RSPH9: variants seen among roughly 807,000 people sequenced by gnomAD.
The protein encoded by RSPH9 is radial spoke head component 9.
A neutral mutation model predicts 27.0 loss-of-function variants in RSPH9; 27 were observed. The ratio of observed to expected loss-of-function variants is 1.00; its 90% CI spans 0.74 to 1.38. The LOEUF (loss-of-function observed/expected upper bound fraction) is 1.38, where lower values mean the gene tolerates loss of function less well. Among genes scored for constraint, RSPH9 ranks in the 40% most tolerant of loss-of-function variants. RSPH9 has a pLI of 0.00. For synonymous variants in RSPH9, 145 were observed against 147.7 expected (o/e 0.98, Z 0.13); for missense variants, 347 against 357.4 (o/e 0.97, Z 0.24).
In RSPH9 at chr6:43,656,722, A is replaced by C; in HGVS notation, c.669A>C (p.Lys223Asn). The C allele has an allele frequency of 6.2e-7, 1 of 1,614,046 alleles. No individual in the cohort carries two copies. The highest frequency in any genetic ancestry group is 8.5e-7 in the Non-Finnish European group (1 of 1,180,002). ...FMDSLEHDIP[K>N]GSWSIQMERG... is the part of the protein sequence containing the mutation. ...ACTCCTTGGAGCATGACATTCCCAA[A>C]GGTAATAGTCCATTACCTGGAGGCC... The change falls in exon 4 of 5, where the codon AAA becomes AAC. Residue 223 changes from lysine (K) to asparagine (N), a missense_variant and splice_region_variant. By Grantham distance (94) the Lys-to-Asn change is moderately conservative. Transcript: ENST00000372163.
chr6:43,647,348 C>G (rs777236807), intron 1 of RSPH9, among the ~76,000 whole-genome samples: 1 of 152,044 alleles, frequency 6.6e-6, no homozygotes, highest in Non-Finnish European at 1.5e-5. Context: ...GCAAGAAGAG[C>G]CTGCTCCGAT....
chr6:43,661,749 T>C (rs778468526), intron 4 of RSPH9, among the ~76,000 whole-genome samples: 2 of 152,142 alleles, frequency 1.3e-5, no homozygotes, highest in Non-Finnish European at 2.9e-5. Flanking sequence ...ATCTATTGTT[T>C]AGTGTAGCCG....
Position 43,671,059 on chromosome 6 carries a change from T to C in RSPH9, c.*110T>C. 7.3e-7 allele frequency: 1 copy of C among 1,379,176 alleles called. No individual in the cohort carries two copies. Among genetic ancestry groups the C allele is most frequent in the Non-Finnish European group, 1.0e-6 (1 of 990,642 alleles). 85.4% of individuals were successfully genotyped at this position (1,379,176 alleles called of 1,614,324 possible). A position where few individuals can be genotyped will look rare whatever the true frequency, so the allele number is the denominator to read the frequency against. ...CTATCTTCTTAACTCCACCTCCGTC[T>C]GGTTCCAGATTCTGAAAGGCCCACT... On this transcript the variant is annotated 3_prime_UTR_variant, in exon 5 of 5. Coordinates refer to ENST00000372163, the MANE Select transcript of RSPH9 (RefSeq NM_152732.5).
intron 4 of RSPH9, among the ~76,000 whole-genome samples, chr6:43,657,754 C>G (rs1441630333): frequency 1.3e-5 from 2 of 152,160 alleles, no homozygotes; most frequent in African/African-American, 2.4e-5. Flanking sequence ...CAAATCCCTC[C>G]ATTTCCCTGT....
intron 4 of RSPH9, among the ~76,000 whole-genome samples, chr6:43,659,548 A>T (rs1387093769): frequency 6.6e-6 from 1 of 150,864 alleles, no homozygotes; most frequent in African/African-American, 2.4e-5. Flanking sequence ...ACGGCTGGCT[A>T]ATTTTTTGTA....
intron 1 of RSPH9, among the ~76,000 whole-genome samples, chr6:43,650,157 G>A (rs1237593959): frequency 3.3e-5 from 5 of 152,232 alleles, no homozygotes; most frequent in South Asian, 2.1e-4. Context: ...CAAGTGATCC[G>A]CTCACCTCAG....
chr6:43,649,765 C>G (rs964907823), intron 1 of RSPH9, among the ~76,000 whole-genome samples: 4 of 151,790 alleles, frequency 2.6e-5, no homozygotes, highest in Non-Finnish European at 5.9e-5. Flanking sequence ...TAGGGCCCAC[C>G]AAAACATGGA....
chr6:43,657,607 G>C (rs933543056), intron 4 of RSPH9, among the ~76,000 whole-genome samples: 3 of 152,188 alleles, frequency 2.0e-5, no homozygotes, highest in Admixed American at 2.0e-4. Context: ...ACCTCTAGGG[G>C]GAAACACTTC....
intron 4 of RSPH9, among the ~76,000 whole-genome samples, chr6:43,658,012 G>A (rs188580759): frequency 2.6e-5 from 4 of 152,212 alleles, no homozygotes; most frequent in East Asian, 1.9e-4. Context: ...CACACCAGCC[G>A]GGTGCGGTGG....
Position 43,648,970 on chromosome 6 carries a change from A to C in RSPH9, c.228-1405A>C, listed in dbSNP as rs575797229. Reference sequence around the variant, plus strand: ...TGTCAAGGATGGCCTTCTCCCAAGCAGTTTCTTGAAGTGGTGGGGCAGAAA... The same window carrying C: ...TGTCAAGGATGGCCTTCTCCCAAGCCGTTTCTTGAAGTGGTGGGGCAGAAA... On this transcript the variant is annotated intron_variant, in intron 1 of 4. Transcript: ENST00000372163. Among the ~76,000 whole-genome samples the C allele has an allele frequency of 7.3e-4, 111 of 152,140 alleles. 2 individuals are homozygous for C. Among genetic ancestry groups the C allele is most frequent in the Non-Finnish European group, 3.1e-4 (21 of 68,022 alleles).
At position 43,656,641 on chromosome 6, in the gene RSPH9, AAAG is replaced by A. The variant is rs776840532; in HGVS notation, c.591_593del (p.Lys197del). 19 of 1,614,068 alleles carry A rather than the reference AAAG, an allele frequency of 1.2e-5. No homozygotes were observed. The highest frequency in any genetic ancestry group is 1.7e-5 in the Admixed American group (1 of 59,994). ...TCCATTTCAGGGAGCCTGTTGAGCTAAAGAATAAGACCTTGCTTGAGAAGGCTG... is the reference window on the plus strand; with the variant it reads ...TCCATTTCAGGGAGCCTGTTGAGCTAAATAAGACCTTGCTTGAGAAGGCTG... On this transcript the variant is annotated inframe_deletion, in exon 4 of 5. Coordinates refer to ENST00000372163, the MANE Select transcript of RSPH9 (RefSeq NM_152732.5).
At chr6:43,666,226 G>A (rs1265188455) in intron 4 of RSPH9, among the ~76,000 whole-genome samples, 8 of 152,056 alleles carry the variant, frequency 5.3e-5, no homozygotes, top group Non-Finnish European at 1.0e-4. Context: ...TTTCCTCCCC[G>A]GTCCCCTTTC....
chr6:43,666,799 G>C (rs1429592966), intron 4 of RSPH9, among the ~76,000 whole-genome samples: 1 of 152,188 alleles, frequency 6.6e-6, no homozygotes, highest in East Asian at 1.9e-4. Flanking sequence ...ATTTGAGACA[G>C]AGTCTCGCTG....
At chr6:43,664,079 A>T (rs1561943728) in intron 4 of RSPH9, among the ~76,000 whole-genome samples, 2 of 152,008 alleles carry the variant, frequency 1.3e-5, no homozygotes, top group Admixed American at 6.6e-5. Flanking sequence ...AAAATGTGAC[A>T]CAGAGATACA....
intron 4 of RSPH9, among the ~76,000 whole-genome samples, chr6:43,669,219 T>C (rs1773457881): frequency 1.3e-5 from 2 of 152,212 alleles, no homozygotes; most frequent in South Asian, 4.1e-4. Flanking sequence ...GGGGCTGACG[T>C]CATCCTTTGC....
intron 4 of RSPH9, among the ~76,000 whole-genome samples, chr6:43,669,025 G>A (rs1162064075): frequency 6.6e-6 from 1 of 152,156 alleles, no homozygotes; most frequent in Non-Finnish European, 1.5e-5. Context: ...GAAAGTACCA[G>A]GCTAGGGACT....
At chr6:43,665,336 C>T (rs1773035672) in intron 4 of RSPH9, among the ~76,000 whole-genome samples, 1 of 152,186 alleles carries the variant, frequency 6.6e-6, no homozygotes, top group African/African-American at 2.4e-5. Context: ...TTGGAGTCTT[C>T]CTAAAGGCTG....
intron 4 of RSPH9, among the ~76,000 whole-genome samples, chr6:43,664,000 G>T (rs1772884400): frequency 6.7e-6 from 1 of 148,372 alleles, no homozygotes; most frequent in Non-Finnish European, 1.5e-5. Context: ...CTGCACTCCA[G>T]CCTGGGTGAC....
rs1396346974 is a variant in RSPH9, at chr6:43,671,836, G to T, written c.*887G>T. 6.2e-7 allele frequency: 1 copy of T among 1,614,116 alleles called. No individual in the cohort carries two copies. The highest frequency in any genetic ancestry group is 8.5e-7 in the Non-Finnish European group (1 of 1,179,988). On this transcript the variant is annotated 3_prime_UTR_variant, in exon 5 of 5. Transcript: ENST00000372163. ...AGAAGGGGTGACCCCACGGGCATGC[G>T]CACCCTGTTCCAGCGGGGGCCTTTT...
Sources: gnomAD v4.1 joint callset for allele counts (sites outside exome capture counted in the v4.1 genomes callset) on GRCh38, gnomAD v4.1.1 for gene constraint, MANE v1.5 for transcripts, NCBI Gene and HGNC (gene_info 2026-07-23, HGNC 2026-07-21) for gene names.